The following TRPM3 variants were observed in gnomAD, a reference collection of about 807,000 sequenced individuals.
TRPM3 encodes the protein transient receptor potential cation channel subfamily M member 3.
TRPM3 carries 77 observed loss-of-function variants against 181.2 expected under a neutral mutation model. The ratio of observed to expected loss-of-function variants is 0.42; its 90% CI spans 0.35 to 0.51. The LOEUF (loss-of-function observed/expected upper bound fraction) is 0.51. Among genes scored for constraint, TRPM3 ranks in the 20% least tolerant of loss-of-function variants. The pLI is 0.01. For missense variants in TRPM3, 1,759 were observed against 2,196.7 expected (o/e 0.80, Z 3.98); for synonymous variants, 745 against 796.4 (o/e 0.94, Z 1.09).
chr9:71,122,939 T>C (rs982974203), upstream of TRPM3, among the ~76,000 whole-genome samples: 5 of 152,220 alleles, frequency 3.3e-5, no homozygotes, highest in African/African-American at 1.2e-4. Flanking sequence ...AAGGCAGTAT[T>C]AAAATAATAA....
intron 22 of TRPM3, among the ~76,000 whole-genome samples, chr9:70,578,157 A>C (rs1564405539): frequency 6.6e-6 from 1 of 152,108 alleles, no homozygotes; most frequent in Non-Finnish European, 1.5e-5. Context: ...TAACTATTGA[A>C]TCTTATCATG....
intron 1 of TRPM3, among the ~76,000 whole-genome samples, chr9:71,102,376 T>G (rs1744452944): frequency 6.6e-6 from 1 of 152,192 alleles, no homozygotes; most frequent in Non-Finnish European, 1.5e-5. Context: ...GAACACGTTT[T>G]CCCCTAAGAA....
At chr9:71,053,730 C>T (rs1209013756) in intron 1 of TRPM3, among the ~76,000 whole-genome samples, 3 of 152,128 alleles carry the variant, frequency 2.0e-5, no homozygotes, top group Non-Finnish European at 4.4e-5. Flanking sequence ...TCTGCCTCCT[C>T]ACACTCCTTT....
chr9:70,845,506 C>T (rs545272859), intron 4 of TRPM3, among the ~76,000 whole-genome samples: 1 of 152,148 alleles, frequency 6.6e-6, no homozygotes, highest in Non-Finnish European at 1.5e-5. Context: ...TCCCAAAGAG[C>T]TGGGATTACA....
chr9:71,106,131 G>T (rs2069487492), intron 1 of TRPM3, among the ~76,000 whole-genome samples: 1 of 152,154 alleles, frequency 6.6e-6, no homozygotes, highest in Non-Finnish European at 1.5e-5. Context: ...CAGTTTAGAT[G>T]TAAAGAGCAG....
intron 1 of TRPM3, among the ~76,000 whole-genome samples, chr9:71,074,303 G>C (rs1476242862): frequency 6.6e-6 from 1 of 152,152 alleles, no homozygotes; most frequent in Admixed American, 6.5e-5. Flanking sequence ...ACTAAGGAGA[G>C]AATTTCCTGT....
intron 6 of TRPM3, among the ~76,000 whole-genome samples, chr9:70,796,017 T>A (rs1257020388): frequency 6.6e-6 from 1 of 152,336 alleles, no homozygotes; most frequent in East Asian, 1.9e-4. Context: ...TCGATCTAAG[T>A]CTACAAGAAA....
At chr9:71,019,937 A>G (rs2097828605) in intron 1 of TRPM3, among the ~76,000 whole-genome samples, 1 of 152,190 alleles carries the variant, frequency 6.6e-6, no homozygotes, top group African/African-American at 2.4e-5. Context: ...AACTGTAGGG[A>G]AGGGATAGTC....
chr9:70,661,502 G>A (rs115462668), intron 9 of TRPM3, among the ~76,000 whole-genome samples: 2,928 of 152,014 alleles, frequency 0.019, 104 homozygotes, highest in African/African-American at 0.064. Context: ...TCAAACCATC[G>A]CTGTTCACAG....
At chr9:71,214,486 G>C (rs905503234) in intron 1 of TRPM3, among the ~76,000 whole-genome samples, 8 of 152,140 alleles carry the variant, frequency 5.3e-5, no homozygotes. Context: ...CCAAAAAGGA[G>C]AAACAATCCA....
intron 7 of TRPM3, among the ~76,000 whole-genome samples, chr9:70,781,472 G>T (rs577775982): frequency 2.2e-4 from 34 of 152,086 alleles, no homozygotes; most frequent in South Asian, 2.1e-3. Flanking sequence ...AACCAGGAAT[G>T]CATTGCTTTT....
intron 1 of TRPM3, among the ~76,000 whole-genome samples, chr9:70,941,960 G>T (rs2096890106): frequency 6.6e-6 from 1 of 152,038 alleles, no homozygotes; most frequent in African/African-American, 2.4e-5. Context: ...ATCAGACAGA[G>T]GCCCTTGGAA....
intron 1 of TRPM3, among the ~76,000 whole-genome samples, chr9:71,016,800 A>C (rs1215173809): frequency 6.6e-6 from 1 of 151,920 alleles, no homozygotes; most frequent in Admixed American, 6.6e-5. Flanking sequence ...TCTATTTTTA[A>C]TTTTTTGAGG....
At chr9:71,398,999 A>T (rs2093269376) in intron 1 of TRPM3, among the ~76,000 whole-genome samples, 1 of 152,222 alleles carries the variant, frequency 6.6e-6, no homozygotes, top group Non-Finnish European at 1.5e-5. Context: ...AACAATGCCC[A>T]TAATTTAGCC....
chr9:71,006,772 G>A (rs1283331809), intron 1 of TRPM3, among the ~76,000 whole-genome samples: 38 of 151,688 alleles, frequency 2.5e-4, no homozygotes, highest in African/African-American at 9.2e-4. Flanking sequence ...TCGGGAGGCT[G>A]AGGCAGGAGA....
At chr9:70,656,375 G>A (rs1021557959) in intron 9 of TRPM3, among the ~76,000 whole-genome samples, 3 of 152,182 alleles carry the variant, frequency 2.0e-5, no homozygotes, top group Non-Finnish European at 4.4e-5. Context: ...CTAATCTTGT[G>A]GCTTTAGGCG....
chr9:70,988,719 T>G (rs1040758522), intron 1 of TRPM3, among the ~76,000 whole-genome samples: 7 of 151,974 alleles, frequency 4.6e-5, no homozygotes, highest in Admixed American at 3.9e-4. Context: ...AAAAGTAGAG[T>G]TTTCTCTTGC....
At position 70,625,220 on chromosome 9, in the gene TRPM3, G is replaced by A. The variant is rs997472663; in HGVS notation, c.1780C>T (p.Leu594Phe). Residue 594 changes from leucine to phenylalanine, a missense_variant, in exon 14 of 26, where the codon CTC becomes TTC. By Grantham distance (22) the Leu-to-Phe change is conservative. Transcript: ENST00000677713. This position sits in a 1 kb window ranked among gnomAD's most constrained non-coding sequence, Gnocchi z 4.8. ...CNYTRKRFRT[L>F]YHNLFGPKRP... ...TTGGGGCCGAAGAGGTTGTGGTAGAGGGTCCGGAAGCGCTTGCGCGTGTAG... is the reference window on the plus strand; with the variant it reads ...TTGGGGCCGAAGAGGTTGTGGTAGAAGGTCCGGAAGCGCTTGCGCGTGTAG... 6.2e-7 allele frequency: 1 copy of A among 1,614,076 alleles called. No individual in the cohort carries two copies. Among genetic ancestry groups the A allele is most frequent in the Non-Finnish European group, 8.5e-7 (1 of 1,180,006 alleles).
At chr9:70,827,677 G>A (rs2093637547) in intron 6 of TRPM3, 170 bp downstream of exon 6, 1 of 709,704 alleles carries the variant, frequency 1.4e-6, no homozygotes, top group East Asian at 2.8e-5. Flanking sequence ...GCCTCCAATT[G>A]TTCTCCTCTG....
Sources: gnomAD v4.1 joint callset for allele counts (sites outside exome capture counted in the v4.1 genomes callset) on GRCh38, gnomAD v4.1.1 for gene constraint, Gnocchi (gnomAD v3.1) non-coding constraint, MANE v1.5 for transcripts, NCBI Gene and HGNC (gene_info 2026-07-23, HGNC 2026-07-21) for gene names.